NTRK2: variants seen among roughly 807,000 people sequenced by gnomAD.
The protein encoded by NTRK2 is neurotrophic receptor tyrosine kinase 2, also known as BDNF/NT-3 growth factors receptor.
A neutral mutation model predicts 94.5 loss-of-function variants in NTRK2; 13 were observed. The observed-to-expected ratio is 0.14, with a 90% CI of 0.09 to 0.22. The LOEUF (loss-of-function observed/expected upper bound fraction) is 0.22, where lower values mean the gene tolerates loss of function less well. NTRK2 is among the 10% of genes least tolerant of loss of function. The probability of loss-of-function intolerance (pLI) is 1.00; values close to 1 mark genes in which losing one functional copy is unlikely to be tolerated. For synonymous variants in NTRK2, 372 were observed against 407.4 expected (o/e 0.91, Z 1.05); for missense variants, 639 against 1,071.2 (o/e 0.60, Z 5.63).
At chr9:84,979,888 T>C (rs566899735) in intron 17 of NTRK2, among the ~76,000 whole-genome samples, 8 of 152,352 alleles carry the variant, frequency 5.3e-5, no homozygotes, top group East Asian at 1.9e-4. Flanking sequence ...CAGATGATTG[T>C]TAGCATTTTT....
chr9:84,984,015 C>T (rs373061563), intron 17 of NTRK2, among the ~76,000 whole-genome samples: 3 of 152,124 alleles, frequency 2.0e-5, no homozygotes, highest in Non-Finnish European at 2.9e-5. Flanking sequence ...ACTCTTCTTT[C>T]GAGCCTCAGT....
intron 17 of NTRK2, among the ~76,000 whole-genome samples, chr9:84,970,006 T>C (rs922312600): frequency 1.3e-5 from 2 of 152,216 alleles, no homozygotes; most frequent in African/African-American, 4.8e-5. Context: ...AGCCAGATTT[T>C]CTGGGTTCAA....
chr9:84,998,839 C>T (rs1830044802), intron 17 of NTRK2, among the ~76,000 whole-genome samples: 1 of 152,212 alleles, frequency 6.6e-6, no homozygotes. Context: ...ACCCATGACA[C>T]AGTTCTGCAG....
intron 17 of NTRK2, among the ~76,000 whole-genome samples, chr9:84,971,900 G>A (rs772251572): frequency 5.3e-5 from 8 of 152,192 alleles, no homozygotes; most frequent in Non-Finnish European, 1.2e-4. Context: ...AGATATCAAG[G>A]ATGTGAGATA....
intron 14 of NTRK2, among the ~76,000 whole-genome samples, chr9:84,893,193 C>T (rs958132424): frequency 1.3e-5 from 2 of 152,178 alleles, no homozygotes; most frequent in African/African-American, 4.8e-5. Context: ...CCTCCACTCA[C>T]CCTCCACCAG....
intron 12 of NTRK2, among the ~76,000 whole-genome samples, chr9:84,825,445 C>G (rs994354243): frequency 6.6e-6 from 1 of 152,168 alleles, no homozygotes; most frequent in Non-Finnish European, 1.5e-5. Flanking sequence ...CTTCCTTAAG[C>G]TGCCTACTCC....
chr9:84,691,968 A>G (rs961517117), intron 2 of NTRK2, among the ~76,000 whole-genome samples: 1 of 152,188 alleles, frequency 6.6e-6, no homozygotes, highest in Non-Finnish European at 1.5e-5. Context: ...ATGGTTTCAT[A>G]TTGACCGATG....
At chr9:85,004,326 T>C (rs1195553941) in intron 17 of NTRK2, among the ~76,000 whole-genome samples, 1 of 152,158 alleles carries the variant, frequency 6.6e-6, no homozygotes, top group African/African-American at 2.4e-5. Context: ...ACTTGTTCAT[T>C]CTGTATAAGC....
At chr9:84,746,104 G>A (rs1466183894) in intron 11 of NTRK2, among the ~76,000 whole-genome samples, 2 of 152,070 alleles carry the variant, frequency 1.3e-5, no homozygotes, top group Non-Finnish European at 2.9e-5. Context: ...ATGACCCATG[G>A]GCCAAGTCCA....
rs556871417 is a variant in NTRK2, at chr9:85,021,570, G to A, written c.*133G>A. 6.8e-6 allele frequency: 6 copies of A among 879,692 alleles called. No individual in the cohort carries two copies. Among genetic ancestry groups the A allele is most frequent in the East Asian group, 4.9e-5 (2 of 40,700 alleles). The allele number at this position is 879,692 out of a possible 1,614,324, so 54.5% of individuals were successfully genotyped here. A position where few individuals can be genotyped will look rare whatever the true frequency, so the allele number is the denominator to read the frequency against. ...TGACAGTATTAACATCAAAGACTCC[G>A]AGAAGCTCTCGAGGGAAGCAGTGTG... On this transcript the variant is annotated 3_prime_UTR_variant, in exon 19 of 19. Coordinates refer to ENST00000277120, the MANE Select transcript of NTRK2 (RefSeq NM_006180.6).
intron 14 of NTRK2, among the ~76,000 whole-genome samples, chr9:84,892,064 A>G (rs1177267706): frequency 6.6e-6 from 1 of 152,224 alleles, no homozygotes; most frequent in Non-Finnish European, 1.5e-5. Flanking sequence ...GCAATCAGTA[A>G]CAAGGATACT....
intron 17 of NTRK2, among the ~76,000 whole-genome samples, chr9:84,977,650 C>T (rs1354170120): frequency 6.6e-6 from 1 of 152,234 alleles, no homozygotes; most frequent in Non-Finnish European, 1.5e-5. Context: ...ATCAACTGCA[C>T]ATATACCATA....
chr9:84,999,702 T>G (rs1350188087), intron 17 of NTRK2, among the ~76,000 whole-genome samples: 1 of 152,214 alleles, frequency 6.6e-6, no homozygotes, highest in African/African-American at 2.4e-5. Context: ...CTGCCCTAAA[T>G]TCGCTTTCCT....
At chr9:84,759,415 G>A (rs1301145753) in intron 12 of NTRK2, among the ~76,000 whole-genome samples, 1 of 152,248 alleles carries the variant, frequency 6.6e-6, no homozygotes, top group Non-Finnish European at 1.5e-5. Flanking sequence ...TAGCCTTGTA[G>A]GTGGATGCAC....
chr9:84,683,345 C>T (rs1183625671), intron 2 of NTRK2, among the ~76,000 whole-genome samples: 1 of 152,056 alleles, frequency 6.6e-6, no homozygotes, highest in East Asian at 1.9e-4. Flanking sequence ...TCCCCTTGCC[C>T]CCCAACCCCT....
chr9:84,870,331 G>GTGTGTGTATATA (rs1349303529), intron 14 of NTRK2, among the ~76,000 whole-genome samples: 40 of 31,162 alleles, frequency 1.3e-3, no homozygotes, highest in Admixed American at 3.4e-3. Context: ...GTGTGTGTGT[G>GTGTGTGTATATA]TATATATATA....
At chr9:84,986,024 C>A (rs1390112711) in intron 17 of NTRK2, among the ~76,000 whole-genome samples, 1 of 152,174 alleles carries the variant, frequency 6.6e-6, no homozygotes, top group African/African-American at 2.4e-5. Context: ...TAGATGCCCT[C>A]TGTGTTCTTT....
At chr9:84,708,763 G>A (rs2061258278) in intron 5 of NTRK2, among the ~76,000 whole-genome samples, 2 of 152,246 alleles carry the variant, frequency 1.3e-5, no homozygotes, top group Non-Finnish European at 2.9e-5. Context: ...ATTGGAAGAT[G>A]TCACTGCTGG....
Position 84,794,771 on chromosome 9 carries a change from C to G in NTRK2, c.1396+42686C>G, listed in dbSNP as rs549378122. 1.4e-4 allele frequency among the ~76,000 whole-genome samples: 22 copies of G among 152,204 alleles called. No homozygotes were observed. The South Asian group carries it at 4.6e-3, about 32-fold the overall frequency. ...TTGGGAGTCTAGGACAGAGGTTGAA[C>G]CTAATGCTAAGTAGGTTGGAATTTT... On this transcript the variant is annotated intron_variant, in intron 12 of 18. Transcript: ENST00000277120.
Sources: gnomAD v4.1 joint callset for allele counts (sites outside exome capture counted in the v4.1 genomes callset) on GRCh38, gnomAD v4.1.1 for gene constraint, MANE v1.5 for transcripts, NCBI Gene and HGNC (gene_info 2026-07-23, HGNC 2026-07-21) for gene names.